The following FMN2 variants were observed in gnomAD, a reference collection of about 807,000 sequenced individuals.
The protein encoded by FMN2 is formin-2.
A neutral mutation model predicts 142.3 loss-of-function variants in FMN2; 51 were observed. The ratio of observed to expected loss-of-function variants is 0.36; its 90% confidence interval spans 0.29 to 0.45. FMN2 has a LOEUF of 0.45. FMN2 is among the 20% of genes least tolerant of loss of function. The pLI is 1.00. For missense variants in FMN2, 1,936 were observed against 2,122.8 expected (o/e 0.91, Z 1.73); for synonymous variants, 882 against 869.8 (o/e 1.01, Z -0.25).
At chr1:240,195,291 C>G (rs1049458215) in intron 4 of FMN2, among the ~76,000 whole-genome samples, 2 of 152,200 alleles carry the variant, frequency 1.3e-5, no homozygotes, top group African/African-American at 4.8e-5. Context: ...TCTTTCAGCT[C>G]TCATTCTGTA....
At position 240,263,645 on chromosome 1, in the gene FMN2, G is replaced by A. The variant is rs141740442; in HGVS notation, c.4153+5613G>A. Among the ~76,000 whole-genome samples, 871 of 152,266 alleles carry A rather than the reference G, an allele frequency of 5.7e-3. 12 individuals are homozygous for A. The highest frequency in any genetic ancestry group is 0.02 in the African/African-American group (830 of 41,560). ...GCCTCTGGAGAATGGCCTTTCTTGC[G>A]TAGTGCTGGTCAGCCATCCCTGAGG... is the stretch of plus-strand genomic sequence containing the variant. On this transcript the variant is annotated intron_variant, in intron 7 of 17. Transcript: ENST00000319653.
chr1:240,314,532 T>C (rs73122355), intron 8 of FMN2, among the ~76,000 whole-genome samples: 3,271 of 152,286 alleles, frequency 0.021, 117 homozygotes, highest in African/African-American at 0.074. Context: ...GGATCACTGT[T>C]ATTGTTGTCC....
chr1:240,334,252 T>C, intron 13 of FMN2, 23 bp downstream of exon 13: 1 of 1,566,088 alleles, frequency 6.4e-7, no homozygotes, highest in Non-Finnish European at 8.6e-7. Context: ...CCTGAACTCA[T>C]GTTTTCTGTT....
intron 13 of FMN2, among the ~76,000 whole-genome samples, chr1:240,335,078 G>A (rs1423163406): frequency 6.6e-6 from 1 of 152,186 alleles, no homozygotes; most frequent in East Asian, 1.9e-4. Context: ...AATTCATAGA[G>A]TTGTTATATT....
chr1:240,118,629 G>A (rs1170353429), intron 1 of FMN2, among the ~76,000 whole-genome samples: 1 of 152,132 alleles, frequency 6.6e-6, no homozygotes, highest in Non-Finnish European at 1.5e-5. Context: ...GAGGTTGTAC[G>A]GTTCCTGATA....
intron 8 of FMN2, among the ~76,000 whole-genome samples, chr1:240,309,226 C>T (rs1008090090): frequency 2.0e-4 from 31 of 152,182 alleles, no homozygotes; most frequent in African/African-American, 7.5e-4. Flanking sequence ...GGTCCCCTCT[C>T]TAAGACTGGG....
At position 240,224,078 on chromosome 1, in the gene FMN2, G is replaced by A. The variant is rs551033923; in HGVS notation, c.4065+12843G>A. ...TAGTTCTTTTAATTTTGATGTTAGA[G>A]TGTTGATTTTAGATCTTTCCTGCTT... is the stretch of plus-strand genomic sequence containing the variant. On this transcript the variant is annotated intron_variant, in intron 6 of 17. Transcript: ENST00000319653. Among the ~76,000 whole-genome samples, 412 of 152,224 alleles carry A rather than the reference G, an allele frequency of 2.7e-3. 3 individuals are homozygous for A. In the South Asian group the frequency reaches 0.027, roughly 10 times the overall value.
chr1:240,271,713 A>G (rs1669023667), intron 7 of FMN2, among the ~76,000 whole-genome samples: 1 of 152,120 alleles, frequency 6.6e-6, no homozygotes, highest in African/African-American at 2.4e-5. Context: ...AGTGGAGAAA[A>G]GTACATGTGA....
At chr1:240,309,689 A>G (rs1429420951) in intron 8 of FMN2, among the ~76,000 whole-genome samples, 1 of 152,156 alleles carries the variant, frequency 6.6e-6, no homozygotes, top group African/African-American at 2.4e-5. Context: ...TTCCTCTAGC[A>G]GTGCCCCTCC....
chr1:240,362,499 A>G (rs1672519604), intron 14 of FMN2, among the ~76,000 whole-genome samples: 1 of 152,192 alleles, frequency 6.6e-6, no homozygotes, highest in African/African-American at 2.4e-5. Flanking sequence ...CTCAGAACTC[A>G]GTACACTCCT....
intron 7 of FMN2, chr1:240,285,300 T>C (rs1669547851): frequency 2.2e-6 from 1 of 455,156 alleles, no homozygotes; most frequent in Non-Finnish European, 4.4e-6. Flanking sequence ...TTAAGGACAG[T>C]TCCTCTGAAC....
At chr1:240,452,639 A>G (rs531025356) in intron 16 of FMN2, among the ~76,000 whole-genome samples, 1 of 152,260 alleles carries the variant, frequency 6.6e-6, no homozygotes, top group African/African-American at 2.4e-5. Context: ...CCAGGTGTTC[A>G]GGGGAAGTAA....
At chr1:240,320,511 A>G (rs1408289980) in intron 8 of FMN2, among the ~76,000 whole-genome samples, 1 of 152,174 alleles carries the variant, frequency 6.6e-6, no homozygotes, top group Non-Finnish European at 1.5e-5. Flanking sequence ...AAATGACCCT[A>G]GAGAGTGGAC....
intron 1 of FMN2, among the ~76,000 whole-genome samples, chr1:240,119,997 C>G (rs1558304740): frequency 6.6e-6 from 1 of 152,114 alleles, no homozygotes; most frequent in African/African-American, 2.4e-5. Context: ...TAGATGCAGG[C>G]AAACTGAAGT....
intron 8 of FMN2, among the ~76,000 whole-genome samples, chr1:240,295,974 C>T (rs1166052786): frequency 1.3e-5 from 2 of 152,124 alleles, no homozygotes; most frequent in Admixed American, 1.3e-4. Flanking sequence ...TCATAGCTCA[C>T]TGTGGTTTTG....
At chr1:240,107,265 C>T (rs991027286) in intron 1 of FMN2, among the ~76,000 whole-genome samples, 5 of 151,964 alleles carry the variant, frequency 3.3e-5, no homozygotes, top group South Asian at 2.1e-4. Context: ...ATGGGGTGGT[C>T]GTAGCCCTGG....
chr1:240,278,500 G>A (rs1463225023), intron 7 of FMN2, among the ~76,000 whole-genome samples: 1 of 152,278 alleles, frequency 6.6e-6, no homozygotes, highest in East Asian at 1.9e-4. Context: ...CTTTGTGGTA[G>A]CCTGGCAGGT....
intron 16 of FMN2, among the ~76,000 whole-genome samples, chr1:240,453,995 CA>C (rs529425273): frequency 0.061 from 457 of 7,496 alleles, 23 homozygotes; most frequent in African/African-American, 0.16. Context: ...GACTCTGCCT[CA>C]AAAAAAAAAA....
At chr1:240,241,355 A>G (rs146014910) in intron 6 of FMN2, among the ~76,000 whole-genome samples, 17 of 151,818 alleles carry the variant, frequency 1.1e-4, no homozygotes, top group African/African-American at 4.1e-4. Context: ...TTATCCCTTT[A>G]AAGAAAAATA....
Sources: allele counts gnomAD v4.1 joint callset (sites outside exome capture counted in the v4.1 genomes callset), GRCh38; gene constraint gnomAD v4.1.1; transcripts MANE v1.5; gene names NCBI Gene and HGNC (gene_info 2026-07-23, HGNC 2026-07-21).